The following SUCLG2 variants were observed in gnomAD, a reference collection of about 807,000 sequenced individuals.
The protein encoded by SUCLG2 is succinate--CoA ligase [GDP-forming] subunit beta, mitochondrial.
A neutral mutation model predicts 47.9 loss-of-function variants in SUCLG2; 42 were observed. The observed-to-expected ratio is 0.88, with a 90% CI of 0.69 to 1.14. The LOEUF (loss-of-function observed/expected upper bound fraction) is 1.14, where lower values mean the gene tolerates loss of function less well. Among genes scored for constraint, SUCLG2 ranks in the 50% most tolerant of loss-of-function variants. The pLI is 0.00. For synonymous variants in SUCLG2, 195 were observed against 197.3 expected (o/e 0.99, Z 0.10); for missense variants, 571 against 525.9 (o/e 1.09, Z -0.84).
At chr3:67,522,983 G>A (rs992290597) in intron 4 of SUCLG2, among the ~76,000 whole-genome samples, 5 of 151,896 alleles carry the variant, frequency 3.3e-5, no homozygotes, top group Non-Finnish European at 7.4e-5. Context: ...TGTATTTTTA[G>A]TAGAGACGGG....
At chr3:67,540,701 G>C (rs1706679717) in intron 2 of SUCLG2, among the ~76,000 whole-genome samples, 1 of 152,218 alleles carries the variant, frequency 6.6e-6, no homozygotes, top group Non-Finnish European at 1.5e-5. Context: ...GCTGTGCTAA[G>C]GGACAGACTG....
intron 2 of SUCLG2, among the ~76,000 whole-genome samples, chr3:67,554,900 C>T (rs1707115894): frequency 6.6e-6 from 1 of 152,088 alleles, no homozygotes; most frequent in East Asian, 1.9e-4. Flanking sequence ...AGGACAAGTG[C>T]TGAGGGGTAG....
intron 9 of SUCLG2, among the ~76,000 whole-genome samples, chr3:67,454,892 G>C (rs966064286): frequency 6.6e-5 from 10 of 151,412 alleles, no homozygotes; most frequent in Admixed American, 2.0e-4. Flanking sequence ...AACCTGGGAG[G>C]TGGAGCTTGT....
chr3:67,372,067 T>C (rs1177381779), downstream of SUCLG2, among the ~76,000 whole-genome samples: 1 of 152,184 alleles, frequency 6.6e-6, no homozygotes, highest in African/African-American at 2.4e-5. Flanking sequence ...TACTGTCCAA[T>C]ATGGCAGCCA....
At chr3:67,456,607 C>A (rs1460703934) in intron 9 of SUCLG2, among the ~76,000 whole-genome samples, 1 of 152,170 alleles carries the variant, frequency 6.6e-6, no homozygotes, top group South Asian at 2.1e-4. Context: ...ATTAGAAACA[C>A]AGCGAGGTGA....
intron 1 of SUCLG2, among the ~76,000 whole-genome samples, chr3:67,623,055 C>G (rs1315554797): frequency 6.6e-6 from 1 of 152,074 alleles, no homozygotes; most frequent in Non-Finnish European, 1.5e-5. Context: ...AAAATTAAGT[C>G]ACTGCTCCAT....
intron 1 of SUCLG2, among the ~76,000 whole-genome samples, chr3:67,638,230 GATA>G (rs1366854176): frequency 6.6e-6 from 1 of 152,164 alleles, no homozygotes; most frequent in Non-Finnish European, 1.5e-5. Context: ...GATAGATAAT[GATA>G]ATGATAGTAC....
At chr3:67,510,948 T>C (rs937174358) in intron 6 of SUCLG2, among the ~76,000 whole-genome samples, 3 of 148,920 alleles carry the variant, frequency 2.0e-5, no homozygotes, top group African/African-American at 7.4e-5. Flanking sequence ...TGGAGTGCAA[T>C]GGCGCGATCT....
chr3:67,360,464 C>T, exon 11 of SUCLG2: 1 of 650,790 alleles, frequency 1.5e-6, no homozygotes, highest in Non-Finnish European at 2.4e-6. Context: ...CCTACCTGGA[C>T]ACAATTCTAA....
chr3:67,383,181 A>G (rs1702194671), intron 10 of SUCLG2, among the ~76,000 whole-genome samples: 1 of 152,222 alleles, frequency 6.6e-6, no homozygotes, highest in Non-Finnish European at 1.5e-5. Flanking sequence ...CGAGATACTG[A>G]CAAGGGTTTA....
chr3:67,557,377 A>C (rs1001932647), intron 2 of SUCLG2, among the ~76,000 whole-genome samples: 17 of 152,206 alleles, frequency 1.1e-4, no homozygotes, highest in African/African-American at 4.1e-4. Flanking sequence ...TATATTCCAT[A>C]AACATTTATT....
At chr3:67,391,161 C>T (rs930906681) in intron 10 of SUCLG2, among the ~76,000 whole-genome samples, 6 of 152,198 alleles carry the variant, frequency 3.9e-5, no homozygotes, top group African/African-American at 1.4e-4. Flanking sequence ...CCACCCCCTT[C>T]ATTCTTACAA....
rs1339528539 is a variant in SUCLG2 at position 67,654,593 on chromosome 3, C to T, written c.-7G>A. ...CTGCTACGGGGGACGCCATCTTAAACAGGAAACTCGGCACGGGGCAGTAGG... is the reference window on the plus strand; with the variant it reads ...CTGCTACGGGGGACGCCATCTTAAATAGGAAACTCGGCACGGGGCAGTAGG... On this transcript the variant is annotated 5_prime_UTR_variant, in exon 1 of 11. Coordinates refer to ENST00000307227, the MANE Select transcript of SUCLG2 (RefSeq NM_003848.4). 7.1e-6 allele frequency: 9 copies of T among 1,272,748 alleles called. No homozygotes were observed. Among genetic ancestry groups the T allele is most frequent in the East Asian group, 2.9e-5 (1 of 34,170 alleles). The allele number at this position is 1,272,748 out of a possible 1,614,324, so 78.8% of individuals were successfully genotyped here.
At chr3:67,607,423 T>C (rs1428136345) in intron 2 of SUCLG2, among the ~76,000 whole-genome samples, 2 of 152,194 alleles carry the variant, frequency 1.3e-5, no homozygotes, top group East Asian at 3.8e-4. Flanking sequence ...TAACATTAAT[T>C]TCACCCTTTT....
At chr3:67,404,713 T>G (rs1344943109) in intron 9 of SUCLG2, among the ~76,000 whole-genome samples, 3 of 152,158 alleles carry the variant, frequency 2.0e-5, no homozygotes, top group African/African-American at 7.2e-5. Context: ...AATGGAAATC[T>G]GATTTAAGGT....
At chr3:67,439,795 G>A (rs1316945336) in intron 9 of SUCLG2, among the ~76,000 whole-genome samples, 1 of 152,058 alleles carries the variant, frequency 6.6e-6, no homozygotes, top group Non-Finnish European at 1.5e-5. Context: ...CGTCAAAATG[G>A]CCATACTGCC....
rs547983887 is a variant in SUCLG2 at position 67,590,809 on chromosome 3, T to C, written c.226+18646A>G. On this transcript the variant is annotated intron_variant, in intron 2 of 10. Coordinates refer to ENST00000307227, the MANE Select transcript of SUCLG2 (RefSeq NM_003848.4). ...TTTGGCTTTTCACCGCCTTTTCTTTTAGTGTTAAGTACTCTTTACATTTCT... is the reference window on the plus strand; with the variant it reads ...TTTGGCTTTTCACCGCCTTTTCTTTCAGTGTTAAGTACTCTTTACATTTCT... Among the ~76,000 whole-genome samples the C allele has an allele frequency of 3.3e-5, 5 of 152,348 alleles. No homozygotes were observed. In the East Asian group the frequency reaches 7.7e-4, roughly 24 times the overall value.
intron 10 of SUCLG2, among the ~76,000 whole-genome samples, chr3:67,361,083 A>T (rs1701797692): frequency 6.6e-6 from 1 of 152,176 alleles, no homozygotes; most frequent in African/African-American, 2.4e-5. Context: ...AAAACAGATA[A>T]TAGAGTGACT....
intron 7 of SUCLG2, among the ~76,000 whole-genome samples, chr3:67,503,614 G>A (rs986611415): frequency 1.3e-5 from 2 of 152,128 alleles, no homozygotes; most frequent in African/African-American, 4.8e-5. Flanking sequence ...GATTGTCAAC[G>A]TCACATTAAT....
Sources: allele counts gnomAD v4.1 joint callset (sites outside exome capture counted in the v4.1 genomes callset), GRCh38; gene constraint gnomAD v4.1.1; transcripts MANE v1.5; gene names NCBI Gene and HGNC (gene_info 2026-07-23, HGNC 2026-07-21).